The following FER variants were observed in gnomAD, a reference collection of about 807,000 sequenced individuals.
FER encodes FER tyrosine kinase.
Under a neutral mutation model 111.0 loss-of-function variants are expected in FER, and 63 were observed. The observed-to-expected ratio is 0.57, with a 90% CI of 0.46 to 0.70. FER has a LOEUF of 0.70. Ranked by LOEUF, FER falls within the 30% of genes least tolerant of loss-of-function variation. FER has a pLI of 0.00. For synonymous variants in FER, 327 were observed against 313.9 expected (o/e 1.04, Z -0.44); for missense variants, 914 against 954.0 (o/e 0.96, Z 0.55).
rs1582464741 is a variant in FER at position 109,189,555 on chromosome 5, G to A, written c.*1980G>A. On this transcript the variant is annotated 3_prime_UTR_variant, in exon 20 of 20. Coordinates refer to ENST00000281092, the MANE Select transcript of FER (RefSeq NM_005246.4). ...GACTAAAGGGAAATTTCTTTTGATG[G>A]CACGTACTATGGTAAATCAAAGCGC... 1 of 152,120 alleles carries A rather than the reference G, an allele frequency of 6.6e-6. No homozygotes were observed. Among genetic ancestry groups the A allele is most frequent in the Non-Finnish European group, 1.5e-5 (1 of 68,032 alleles). 9.4% of individuals were successfully genotyped at this position (152,120 alleles called of 1,614,324 possible). A position where few individuals can be genotyped will look rare whatever the true frequency, so the allele number is the denominator to read the frequency against.
At chr5:108,936,962 C>CT (rs1418620538) in intron 10 of FER, among the ~76,000 whole-genome samples, 1 of 151,854 alleles carries the variant, frequency 6.6e-6, no homozygotes, top group Non-Finnish European at 1.5e-5. Flanking sequence ...TAAAATCAGT[C>CT]TGAGTTAAAA....
chr5:108,912,385 G>C (rs1751679521), intron 10 of FER, among the ~76,000 whole-genome samples: 1 of 152,110 alleles, frequency 6.6e-6, no homozygotes, highest in African/African-American at 2.4e-5. Flanking sequence ...TCTTGAGACA[G>C]AGTCTCGCTC....
chr5:109,141,572 A>C (rs796470480), intron 17 of FER, among the ~76,000 whole-genome samples: 2 of 152,226 alleles, frequency 1.3e-5, no homozygotes, highest in African/African-American at 2.4e-5. Context: ...TCTTGCTACC[A>C]TGTGTCAGAA....
intron 2 of FER, among the ~76,000 whole-genome samples, chr5:108,774,093 C>T (rs62361335): frequency 0.24 from 36,157 of 151,744 alleles, 4,526 homozygotes; most frequent in African/African-American, 0.31. Flanking sequence ...TGTTGTTCCC[C>T]TCCCTGTGTC....
chr5:108,897,527 A>T, intron 9 of FER, 132 bp from the exon 10 acceptor site: 1 of 601,100 alleles, frequency 1.7e-6, no homozygotes, highest in African/African-American at 1.9e-5. Context: ...AAATCTGCTT[A>T]GTTTCATATT....
chr5:108,995,542 T>A (rs1763879750), intron 13 of FER, among the ~76,000 whole-genome samples: 1 of 152,142 alleles, frequency 6.6e-6, no homozygotes, highest in East Asian at 1.9e-4. Flanking sequence ...TTGTGTTAGT[T>A]TGCTGAGAAT....
intron 14 of FER, among the ~76,000 whole-genome samples, chr5:109,041,908 A>G (rs562605656): frequency 2.2e-4 from 34 of 152,314 alleles, no homozygotes; most frequent in African/African-American, 7.7e-4. Flanking sequence ...TAGTAGGATT[A>G]TATGTGGGGA....
At chr5:109,013,991 C>T (rs1766679368) in intron 13 of FER, among the ~76,000 whole-genome samples, 2 of 151,680 alleles carry the variant, frequency 1.3e-5, no homozygotes, top group South Asian at 4.2e-4. Flanking sequence ...AGCCCTTTGT[C>T]AGATGAGTAG....
At position 108,998,906 on chromosome 5, in the gene FER, T is replaced by C. The variant is rs557864203; in HGVS notation, c.1657-38516T>C. On this transcript the variant is annotated intron_variant, in intron 13 of 19. Coordinates refer to ENST00000281092, the MANE Select transcript of FER (RefSeq NM_005246.4). ...CCTCGATGTTAAAGTGATTTATATA[T>C]GTTGTATTTTAGAAAAGGTTCTAGA... 2.0e-5 allele frequency among the ~76,000 whole-genome samples: 3 copies of C among 152,272 alleles called. No individual in the cohort carries two copies. In the South Asian group the frequency reaches 6.2e-4, roughly 32 times the overall value.
intron 13 of FER, among the ~76,000 whole-genome samples, chr5:108,990,232 G>A (rs1763010429): frequency 6.6e-6 from 1 of 151,800 alleles, no homozygotes; most frequent in African/African-American, 2.4e-5. Flanking sequence ...AGTATTAGAA[G>A]GAAACATGAT....
chr5:108,973,852 A>G (rs1017351289), intron 13 of FER, among the ~76,000 whole-genome samples: 1 of 152,102 alleles, frequency 6.6e-6, no homozygotes, highest in Admixed American at 6.5e-5. Flanking sequence ...TTTTGACTCT[A>G]GAATCACTTC....
chr5:108,884,815 C>T (rs1226454939), intron 9 of FER, among the ~76,000 whole-genome samples: 1 of 152,040 alleles, frequency 6.6e-6, no homozygotes, highest in African/African-American at 2.4e-5. Context: ...TTTTCAAAGT[C>T]TGGCTTTTTG....
At chr5:108,915,420 G>A (rs769678450) in intron 10 of FER, among the ~76,000 whole-genome samples, 2 of 152,254 alleles carry the variant, frequency 1.3e-5, no homozygotes, top group Non-Finnish European at 2.9e-5. Context: ...TGCATGAGCC[G>A]AGATTGCCCC....
intron 3 of FER, among the ~76,000 whole-genome samples, chr5:108,801,774 C>T (rs535126566): frequency 6.6e-6 from 1 of 152,242 alleles, no homozygotes; most frequent in African/African-American, 2.4e-5. Context: ...TCCCTTCACC[C>T]AAAGGAGACA....
At chr5:108,847,329 A>G (rs1762126542) in intron 5 of FER, among the ~76,000 whole-genome samples, 1 of 151,796 alleles carries the variant, frequency 6.6e-6, no homozygotes, top group Non-Finnish European at 1.5e-5. Flanking sequence ...GTTTTTCTAG[A>G]GTTTTTTAAT....
intron 17 of FER, among the ~76,000 whole-genome samples, chr5:109,139,704 A>G (rs922248659): frequency 6.6e-6 from 1 of 152,108 alleles, no homozygotes; most frequent in Non-Finnish European, 1.5e-5. Context: ...TTTCTTCTGG[A>G]TATGATGTGT....
chr5:109,128,160 A>G (rs967659159), intron 17 of FER, among the ~76,000 whole-genome samples: 15 of 151,924 alleles, frequency 9.9e-5, no homozygotes, highest in African/African-American at 3.1e-4. Context: ...ATATTTTCCT[A>G]CCCTCTCCTT....
At chr5:108,748,227 G>A (rs1022594585) in intron 1 of FER, among the ~76,000 whole-genome samples, 5 of 152,226 alleles carry the variant, frequency 3.3e-5, no homozygotes, top group Admixed American at 2.0e-4. Flanking sequence ...ACGTGGGAAC[G>A]TACAGGAAAA....
At chr5:109,040,682 G>A (rs948932933) in intron 14 of FER, among the ~76,000 whole-genome samples, 10 of 152,086 alleles carry the variant, frequency 6.6e-5, no homozygotes, top group African/African-American at 2.4e-4. Flanking sequence ...AGAGATGTGG[G>A]GTGATAGTTT....
Sources: gnomAD v4.1 joint callset for allele counts (sites outside exome capture counted in the v4.1 genomes callset) on GRCh38, gnomAD v4.1.1 for gene constraint, MANE v1.5 for transcripts, NCBI Gene and HGNC (gene_info 2026-07-23, HGNC 2026-07-21) for gene names.